ITPR1: variants seen among roughly 807,000 people sequenced by gnomAD.
The protein encoded by ITPR1 is inositol 1,4,5-trisphosphate-gated calcium channel ITPR1.
Under a neutral mutation model 318.4 loss-of-function variants are expected in ITPR1, and 96 were observed. That is an observed-to-expected ratio of 0.30 (90% CI 0.26 to 0.36). The LOEUF (loss-of-function observed/expected upper bound fraction) is 0.36, where lower values mean the gene tolerates loss of function less well. Among genes scored for constraint, ITPR1 ranks in the 10% least tolerant of loss-of-function variants. The pLI, the probability that ITPR1 is intolerant of heterozygous loss-of-function variation, is 1.00. For missense variants in ITPR1, 2,440 were observed against 3,460.2 expected (o/e 0.71, Z 7.40); for synonymous variants, 1,312 against 1,289.9 (o/e 1.02, Z -0.37).
At position 4,800,435 on chromosome 3, in the gene ITPR1, G is replaced by A. The variant is rs768869431; in HGVS notation, c.6942G>A (p.Glu2314=). The change falls in exon 54 of 62, where the codon GAG becomes GAA. Residue 2314 remains glutamate (E), a synonymous_variant. Coordinates refer to ENST00000649015, the MANE Select transcript of ITPR1 (RefSeq NM_001378452.1). ...PFKGVRGGTL[E]PHWSGLLWTA... ...GTTTTGTCCTTGCAGGAACCCTGGA[G>A]CCCCACTGGTCGGGACTCCTGTGGA... 4 of 1,613,496 alleles carry A rather than the reference G, an allele frequency of 2.5e-6. No individual in the cohort carries two copies. The highest frequency in any genetic ancestry group is 1.1e-5 in the South Asian group (1 of 90,986).
rs2094513462 is a variant in ITPR1, at chr3:4,693,634, G to T, written c.4174G>T (p.Ala1392Ser). 1.9e-6 allele frequency: 3 copies of T among 1,614,044 alleles called. No individual in the cohort carries two copies. Among genetic ancestry groups the T allele is most frequent in the Non-Finnish European group, 2.5e-6 (3 of 1,179,900 alleles). The change falls in exon 33 of 62, where the codon GCT becomes TCT. Residue 1392 changes from alanine to serine, a missense_variant. Ala to Ser is a moderately conservative substitution (Grantham distance 99). Around this residue, in one of 23 missense-constraint regions of ITPR1, gnomAD observed 222 missense variants for 318.8 expected, o/e 0.70. Transcript: ENST00000649015. ...CCACATCCACTTGGTCGAGCTCCTGGCTGTGTGCACGGAGGGTAAGAATGT... is the reference window on the plus strand; with the variant it reads ...CCACATCCACTTGGTCGAGCTCCTGTCTGTGTGCACGGAGGGTAAGAATGT... ...MYHIHLVELL[A>S]VCTEGKNVYT... is the part of the protein sequence containing the mutation.
At chr3:4,608,590 T>C (rs1324713023) in intron 4 of ITPR1, among the ~76,000 whole-genome samples, 4 of 152,092 alleles carry the variant, frequency 2.6e-5, no homozygotes. Flanking sequence ...CAGTTTTGAT[T>C]GTTAGAACTA....
At chr3:4,835,479 G>A (rs375149268) in intron 60 of ITPR1, among the ~76,000 whole-genome samples, 12 of 152,244 alleles carry the variant, frequency 7.9e-5, no homozygotes, top group South Asian at 4.2e-4. Flanking sequence ...AGACCAGGTG[G>A]CCCACAAAGC....
rs983893118 is a variant in ITPR1, at chr3:4,647,884, G to T, written c.855+2156G>T. The stretch of plus-strand genomic sequence containing the variant: ...GAATCAAGTTCAGCCGGACATGGTG[G>T]CTCATGCCTGTAATCCCAGCACTTT... On this transcript the variant is annotated intron_variant, in intron 10 of 61. Transcript: ENST00000649015. Among the ~76,000 whole-genome samples the T allele has an allele frequency of 2.6e-5, 4 of 152,226 alleles. No homozygotes were observed. The East Asian group carries it at 7.7e-4, about 29-fold the overall frequency.
chr3:4,692,588 T>C (rs1342929662), intron 32 of ITPR1, among the ~76,000 whole-genome samples: 1 of 152,338 alleles, frequency 6.6e-6, no homozygotes, highest in African/African-American at 2.4e-5. Flanking sequence ...TTATTTTGAC[T>C]TCTGTGCCAG....
At chr3:4,721,613 G>A (rs1439133820) in intron 40 of ITPR1, among the ~76,000 whole-genome samples, 5 of 152,006 alleles carry the variant, frequency 3.3e-5, no homozygotes, top group East Asian at 1.9e-4. Context: ...AGACTGATTC[G>A]AGCGGCTGGA....
At chr3:4,578,896 T>A (rs760805665) in intron 4 of ITPR1, among the ~76,000 whole-genome samples, 1 of 152,188 alleles carries the variant, frequency 6.6e-6, no homozygotes, top group Non-Finnish European at 1.5e-5. Flanking sequence ...ACGTTGTCAT[T>A]GAGAGAGGGG....
chr3:4,837,007 A>G, intron 61 of ITPR1, 72 bp downstream of exon 61: 1 of 1,303,742 alleles, frequency 7.7e-7, no homozygotes, highest in Non-Finnish European at 1.0e-6. Flanking sequence ...ACCACACCAA[A>G]TCTGATGAGG....
chr3:4,505,559 T>C (rs746090523), intron 2 of ITPR1, among the ~76,000 whole-genome samples: 5 of 152,214 alleles, frequency 3.3e-5, no homozygotes, highest in African/African-American at 4.8e-5. Context: ...CCAAAGGACG[T>C]TGGCAAGGGC....
intron 2 of ITPR1, among the ~76,000 whole-genome samples, chr3:4,503,917 C>T (rs932694331): frequency 6.6e-6 from 1 of 152,044 alleles, no homozygotes; most frequent in African/African-American, 2.4e-5. Context: ...TAAGCACCCT[C>T]CCCCTCTCGC....
At chr3:4,838,753 C>G (rs1311624284) in intron 61 of ITPR1, among the ~76,000 whole-genome samples, 1 of 152,202 alleles carries the variant, frequency 6.6e-6, no homozygotes, top group Non-Finnish European at 1.5e-5. Flanking sequence ...CATTGTCACA[C>G]TTGGAGGCTC....
chr3:4,623,450 T>C (rs2092712631), intron 4 of ITPR1, among the ~76,000 whole-genome samples: 1 of 152,258 alleles, frequency 6.6e-6, no homozygotes, highest in African/African-American at 2.4e-5. Flanking sequence ...TAAGACATTC[T>C]TTGTGGCATT....
intron 30 of ITPR1, among the ~76,000 whole-genome samples, chr3:4,686,822 AG>A (rs781102844): frequency 3.3e-5 from 5 of 152,228 alleles, no homozygotes; most frequent in Non-Finnish European, 5.9e-5. Context: ...TTTATACGGA[AG>A]GACTGGAGGT....
chr3:4,583,557 A>G (rs1470210764), intron 4 of ITPR1, among the ~76,000 whole-genome samples: 2 of 152,212 alleles, frequency 1.3e-5, no homozygotes, highest in Admixed American at 6.5e-5. Flanking sequence ...GGCTAGTGGA[A>G]TTGAGATACT....
At chr3:4,783,950 G>A in intron 51 of ITPR1, 30 bp downstream of exon 51, 1 of 1,483,992 alleles carries the variant, frequency 6.7e-7, no homozygotes, top group South Asian at 1.2e-5. Flanking sequence ...AGGGCATGGG[G>A]TTGTGTTGAG....
intron 35 of ITPR1, 29 bp downstream of exon 35, chr3:4,699,970 G>A: frequency 6.2e-7 from 1 of 1,605,112 alleles, no homozygotes; most frequent in Non-Finnish European, 8.5e-7. Flanking sequence ...CAAGCAGAAT[G>A]TTCACGATAC....
At position 4,779,686 on chromosome 3, in the gene ITPR1, T is replaced by C. The variant is rs948826415; in HGVS notation, c.6387+41T>C. 7.2e-7 allele frequency: 1 copy of C among 1,386,276 alleles called. No individual in the cohort carries two copies. Among genetic ancestry groups the C allele is most frequent in the Non-Finnish European group, 1.0e-6 (1 of 975,060 alleles). The allele number at this position is 1,386,276 out of a possible 1,614,324, so 85.9% of individuals were successfully genotyped here. On this transcript the variant is annotated intron_variant, in intron 49 of 61. Coordinates refer to ENST00000649015, the MANE Select transcript of ITPR1 (RefSeq NM_001378452.1). The surrounding 1 kb of genome is among the most constrained non-coding windows in gnomAD (Gnocchi z 4.0). ...GATCTGATGGTAGCACCAAGGAGCA[T>C]TGCGACGATATTTGGGACAGAGCAG...
intron 2 of ITPR1, among the ~76,000 whole-genome samples, chr3:4,504,020 A>C (rs1260309153): frequency 1.3e-5 from 2 of 151,940 alleles, no homozygotes; most frequent in Non-Finnish European, 2.9e-5. Context: ...CCAAGAAATC[A>C]CTAGGCCTCA....
At position 4,644,183 on chromosome 3, in the gene ITPR1, G is replaced by A. The variant is rs749656952; in HGVS notation, c.573G>A (p.Gln191=). The change falls in exon 8 of 62, where the codon CAG becomes CAA. Residue 191 remains glutamine, a synonymous_variant. Transcript: ENST00000649015. ...KVVLNPVNAG[Q]PLHASSHQLV... is the part of the protein sequence containing the mutation. The stretch of plus-strand genomic sequence containing the variant: ...TTCTGAACCCCGTCAATGCTGGTCA[G>A]CCCCTACATGCTAGCAGCCATCAAC... The A allele has an allele frequency of 6.2e-7, 1 of 1,611,824 alleles. No individual in the cohort carries two copies. The highest frequency in any genetic ancestry group is 1.7e-4 in the Middle Eastern group (1 of 6,060).
Sources: gnomAD v4.1 joint callset for allele counts (sites outside exome capture counted in the v4.1 genomes callset) on GRCh38, gnomAD v4.1.1 for gene constraint, gnomAD v4.1.1 regional missense constraint, Gnocchi (gnomAD v3.1) non-coding constraint, MANE v1.5 for transcripts, NCBI Gene and HGNC (gene_info 2026-07-23, HGNC 2026-07-21) for gene names.